PRKG1: variants seen among roughly 807,000 people sequenced by gnomAD.
PRKG1 encodes the protein protein kinase cGMP-dependent 1.
In PRKG1, 35 loss-of-function variants were observed where a neutral mutation model predicts 88.1. That is an observed-to-expected ratio of 0.40 (90% confidence interval 0.30 to 0.53). The LOEUF (loss-of-function observed/expected upper bound fraction) is 0.53. Among genes scored for constraint, PRKG1 ranks in the 20% least tolerant of loss-of-function variants. PRKG1 has a pLI of 0.59. For synonymous variants in PRKG1, 303 were observed against 292.5 expected (o/e 1.04, Z -0.37); for missense variants, 540 against 839.8 (o/e 0.64, Z 4.41).
At chr10:51,541,124 T>C (rs542987854) in intron 3 of PRKG1, among the ~76,000 whole-genome samples, 3 of 152,196 alleles carry the variant, frequency 2.0e-5, no homozygotes, top group South Asian at 2.1e-4. Flanking sequence ...CAGAGCAGGG[T>C]TGGGGTGGGG....
At chr10:51,695,660 T>A (rs1266467956) in intron 3 of PRKG1, 2 of 152,194 alleles carry the variant, frequency 1.3e-5, no homozygotes, top group Admixed American at 1.3e-4. Context: ...AACTATCACA[T>A]ATGTAAACGC....
At chr10:52,133,384 T>A (rs578162085) in intron 7 of PRKG1, among the ~76,000 whole-genome samples, 12 of 152,228 alleles carry the variant, frequency 7.9e-5, no homozygotes, top group African/African-American at 2.9e-4. Flanking sequence ...AAACAGGGTC[T>A]TTAAAGTAAG....
At chr10:51,795,498 G>T (rs927973731) in intron 3 of PRKG1, among the ~76,000 whole-genome samples, 1 of 152,106 alleles carries the variant, frequency 6.6e-6, no homozygotes, top group Admixed American at 6.6e-5. Context: ...ACAGCAAATG[G>T]CCTTTCTAAT....
intron 7 of PRKG1, among the ~76,000 whole-genome samples, chr10:52,113,537 A>G (rs1421063573): frequency 6.6e-6 from 1 of 152,088 alleles, no homozygotes; most frequent in Non-Finnish European, 1.5e-5. Flanking sequence ...TCAGCCTACA[A>G]TCTTGGGGTA....
chr10:51,163,799 C>T (rs568386784), intron 2 of PRKG1, among the ~76,000 whole-genome samples: 2 of 152,304 alleles, frequency 1.3e-5, no homozygotes, highest in Admixed American at 6.5e-5. Flanking sequence ...ATTGCTAGCA[C>T]AGCAGTCTGA....
At chr10:51,647,148 G>T (rs1319220656) in intron 3 of PRKG1, among the ~76,000 whole-genome samples, 1 of 70,986 alleles carries the variant, frequency 1.4e-5, no homozygotes, top group South Asian at 7.8e-4. Flanking sequence ...ATGAGATCAA[G>T]ATAAAAAAAA....
Position 51,699,550 on chromosome 10 carries a change from G to T in PRKG1, c.593-105035G>T, listed in dbSNP as rs142125120. The T allele has an allele frequency of 5.9e-4, 945 of 1,606,908 alleles. 5 individuals are homozygous for T. The highest frequency in any genetic ancestry group is 3.3e-3 in the Middle Eastern group (20 of 6,006). ...GGTCTCTCACCGCCAAACTCGACAT[G>T]ATTCCGGTTGTGCAGACAGCCGATA... On this transcript the variant is annotated intron_variant, in intron 3 of 17. Coordinates refer to ENST00000373980, the MANE Select transcript of PRKG1 (RefSeq NM_006258.4).
intron 7 of PRKG1, among the ~76,000 whole-genome samples, chr10:52,088,131 T>A (rs949628219): frequency 3.3e-5 from 5 of 152,154 alleles, no homozygotes; most frequent in African/African-American, 1.2e-4. Context: ...GATTAACCTT[T>A]ATATATGCAT....
At position 51,596,098 on chromosome 10, in the gene PRKG1, G is replaced by A. The variant is rs150315417; in HGVS notation, c.592+128262G>A. Among the ~76,000 whole-genome samples, 1,213 of 152,190 alleles carry A rather than the reference G, an allele frequency of 8.0e-3. 21 individuals are homozygous for A. Among genetic ancestry groups the A allele is most frequent in the Middle Eastern group, 0.037 (11 of 294 alleles). Reference sequence around the variant, plus strand: ...CCTGCCTCGGCCTCCCAAAGTGCTGGGATTACAGGCGTGAGTCACCTCGCC... The same window carrying A: ...CCTGCCTCGGCCTCCCAAAGTGCTGAGATTACAGGCGTGAGTCACCTCGCC... On this transcript the variant is annotated intron_variant, in intron 3 of 17. Transcript: ENST00000373980.
chr10:52,230,867 T>A lies in PRKG1; in HGVS notation c.1077-20703T>A, dbSNP rs183674659. The A allele has an allele frequency of 7.2e-5, 11 of 152,346 alleles. No individual in the cohort carries two copies. In the East Asian group the frequency reaches 2.1e-3, roughly 29 times the overall value. The allele number at this position is 152,346 out of a possible 1,614,324, so 9.4% of individuals were successfully genotyped here. Reference sequence around the variant, plus strand: ...ATAGAGGTAACATCACAGTGATTGTTTATTCAAATGTTGACCAGGCATCAT... The same window carrying A: ...ATAGAGGTAACATCACAGTGATTGTATATTCAAATGTTGACCAGGCATCAT... On this transcript the variant is annotated intron_variant, in intron 9 of 17. Transcript: ENST00000373980.
intron 1 of PRKG1, among the ~76,000 whole-genome samples, chr10:51,079,679 T>TTATG (rs113315454): frequency 6.7e-6 from 1 of 150,182 alleles, no homozygotes; most frequent in Non-Finnish European, 1.5e-5. Context: ...TAAGGCTCAT[T>TTATG]TGTGTGTGTG....
intron 2 of PRKG1, among the ~76,000 whole-genome samples, chr10:51,222,031 C>T (rs531088599): frequency 3.9e-5 from 6 of 151,984 alleles, no homozygotes; most frequent in South Asian, 2.1e-4. Flanking sequence ...CCCACCACCA[C>T]GCCTGGCTAA....
chr10:51,976,148 C>T lies in PRKG1; in HGVS notation c.762+68578C>T, dbSNP rs373549324. 8.0e-4 allele frequency among the ~76,000 whole-genome samples: 122 copies of T among 151,818 alleles called. 1 individual carries two copies. The East Asian group carries it at 0.02, about 25-fold the overall frequency. On this transcript the variant is annotated intron_variant, in intron 5 of 17. Transcript: ENST00000373980. Reference sequence around the variant, plus strand: ...AGGGATGATGTGGATAAATTGTGACCCTCATATACTGTGGGAATGTAAAAG... The same window carrying T: ...AGGGATGATGTGGATAAATTGTGACTCTCATATACTGTGGGAATGTAAAAG...
intron 5 of PRKG1, among the ~76,000 whole-genome samples, chr10:51,993,160 A>C (rs545376725): frequency 6.6e-6 from 1 of 152,344 alleles, no homozygotes; most frequent in African/African-American, 2.4e-5. Context: ...TAGCACACAA[A>C]TAAGCTTTAA....
At chr10:51,225,076 G>A (rs1363775951) in intron 2 of PRKG1, among the ~76,000 whole-genome samples, 4 of 152,162 alleles carry the variant, frequency 2.6e-5, no homozygotes, top group East Asian at 1.9e-4. Flanking sequence ...CTGTTATTAC[G>A]AAATACTACA....
intron 3 of PRKG1, among the ~76,000 whole-genome samples, chr10:51,766,133 G>T (rs1317369126): frequency 6.6e-6 from 1 of 151,828 alleles, no homozygotes; most frequent in East Asian, 1.9e-4. Flanking sequence ...GACACCAAGG[G>T]TGAGGTTACA....
chr10:51,436,739 G>C (rs1043576111), intron 2 of PRKG1, among the ~76,000 whole-genome samples: 8 of 152,030 alleles, frequency 5.3e-5, no homozygotes, highest in African/African-American at 1.9e-4. Context: ...ATTTTAGACT[G>C]TACTTAGATG....
chr10:51,338,140 C>T (rs1285678653), intron 2 of PRKG1, among the ~76,000 whole-genome samples: 2 of 152,156 alleles, frequency 1.3e-5, no homozygotes, highest in Non-Finnish European at 2.9e-5. Flanking sequence ...CATGCTCTTA[C>T]TTGTAAGTGG....
chr10:51,871,413 C>T (rs1435940061), intron 4 of PRKG1, among the ~76,000 whole-genome samples: 1 of 152,162 alleles, frequency 6.6e-6, no homozygotes. Context: ...TTCTGAATCA[C>T]CCATAGCCCT....
Sources: allele counts gnomAD v4.1 joint callset (sites outside exome capture counted in the v4.1 genomes callset), GRCh38; gene constraint gnomAD v4.1.1; transcripts MANE v1.5; gene names NCBI Gene and HGNC (gene_info 2026-07-23, HGNC 2026-07-21).